Variants in GALNT12 observed in about 807,000 individuals in gnomAD.
GALNT12 encodes polypeptide N-acetylgalactosaminyltransferase 12, also known as UDP-GalNAc:polypeptide N-acetylgalactosaminyltransferase 12.
GALNT12 carries 45 observed loss-of-function variants against 55.5 expected under a neutral mutation model. The observed-to-expected ratio is 0.81, with a 90% confidence interval of 0.64 to 1.04. The LOEUF is 1.04. Ranked by LOEUF, GALNT12 falls within the 50% of genes least tolerant of loss-of-function variation. The pLI is 0.00. For missense variants in GALNT12, 709 were observed against 754.8 expected (o/e 0.94, Z 0.71); for synonymous variants, 304 against 312.2 (o/e 0.97, Z 0.28).
chr9:98,815,182 C>T (rs889251573), intron 1 of GALNT12, among the ~76,000 whole-genome samples: 3 of 152,208 alleles, frequency 2.0e-5, no homozygotes, highest in African/African-American at 4.8e-5. Context: ...AAAAGATATA[C>T]AGACGATCTC....
intron 8 of GALNT12, 154 bp downstream of exon 8, chr9:98,844,363 G>A: frequency 1.5e-6 from 1 of 649,840 alleles, no homozygotes; most frequent in Non-Finnish European, 2.8e-6. Flanking sequence ...AAATTAAAAT[G>A]TGTTTTCTTC....
chr9:98,814,044 G>T (rs985321128), intron 1 of GALNT12, among the ~76,000 whole-genome samples: 1 of 152,188 alleles, frequency 6.6e-6, no homozygotes, highest in African/African-American at 2.4e-5. Context: ...TCTGGGATGA[G>T]AACTGAGTTC....
At chr9:98,820,877 A>G (rs1477891914) in intron 1 of GALNT12, among the ~76,000 whole-genome samples, 1 of 152,234 alleles carries the variant, frequency 6.6e-6, no homozygotes, top group Non-Finnish European at 1.5e-5. Flanking sequence ...CTTTGTTGAA[A>G]TACTGTAGAC....
rs147145415 is a variant in GALNT12 at position 98,815,171 on chromosome 9, A to G, written c.371+7102A>G. On this transcript the variant is annotated intron_variant, in intron 1 of 9. Coordinates refer to ENST00000375011, the MANE Select transcript of GALNT12 (RefSeq NM_024642.5). The stretch of plus-strand genomic sequence containing the variant: ...CTGGAAGCAAACTTAAAGACATTTC[A>G]AAAAGATATACAGACGATCTCCGAT... Among the ~76,000 whole-genome samples, 1,086 of 152,366 alleles carry G rather than the reference A, an allele frequency of 7.1e-3. 11 individuals carry two copies. The highest frequency in any genetic ancestry group is 0.024 in the African/African-American group (988 of 41,584).
rs757485456 is a variant in GALNT12, at chr9:98,844,169, A to G, written c.1418A>G (p.Gln473Arg). ...GATGAAAACCAGATTGTGGGACACC[A>G]GGTCATTCTGTACCTCTGTCATGGG... ...PPDENQIVGH[Q>R]VILYLCHGMG... is the part of the protein sequence containing the mutation. The change falls in exon 8 of 10, where the codon CAG becomes CGG. Residue 473 changes from glutamine (Q) to arginine (R), a missense_variant. Transcript: ENST00000375011. The G allele has an allele frequency of 3.1e-6, 5 of 1,613,752 alleles. No homozygotes were observed. The Admixed American group carries it at 6.7e-5, about 22-fold the overall frequency.
chr9:98,849,269 T>C lies in GALNT12; in HGVS notation c.*177T>C. On this transcript the variant is annotated 3_prime_UTR_variant, in exon 10 of 10. Coordinates refer to ENST00000375011, the MANE Select transcript of GALNT12 (RefSeq NM_024642.5). ...GGATTTAGTAAAAATGTGAATAAGC[T>C]TTGTACTTATTTTGAGAACTTTTTA... The C allele has an allele frequency of 1.5e-6, 1 of 647,434 alleles. No homozygotes were observed. The highest frequency in any genetic ancestry group is 2.7e-6 in the Non-Finnish European group (1 of 369,508). 40.1% of individuals were successfully genotyped at this position (647,434 alleles called of 1,614,324 possible). A position where few individuals can be genotyped will look rare whatever the true frequency, so the allele number is the denominator to read the frequency against.
intron 4 of GALNT12, among the ~76,000 whole-genome samples, 169 bp from the exon 5 acceptor site, chr9:98,835,080 G>A (rs1836104905): frequency 6.6e-6 from 1 of 152,158 alleles, no homozygotes; most frequent in South Asian, 2.1e-4. Flanking sequence ...GGACCGTAGG[G>A]TACATCTATG....
rs568883839 is a variant in GALNT12 at position 98,832,622 on chromosome 9, A to C, written c.917+665A>C. ...CTTTACCTATTTCCAGGAATTTTTC[A>C]TCATCCCACACAGAAAATATCCCCA... On this transcript the variant is annotated intron_variant, in intron 4 of 9. Coordinates refer to ENST00000375011, the MANE Select transcript of GALNT12 (RefSeq NM_024642.5). Among the ~76,000 whole-genome samples the C allele has an allele frequency of 1.1e-4, 16 of 152,306 alleles. No individual in the cohort carries two copies. In the South Asian group the frequency reaches 3.1e-3, roughly 30 times the overall value.
At chr9:98,823,080 G>A (rs1835780598) in intron 1 of GALNT12, among the ~76,000 whole-genome samples, 176 bp from the exon 2 acceptor site, 1 of 152,158 alleles carries the variant, frequency 6.6e-6, no homozygotes, top group South Asian at 2.1e-4. Flanking sequence ...GCCATGGTTA[G>A]GACCTTTCTT....
chr9:98,840,268 C>T, intron 7 of GALNT12, 135 bp downstream of exon 7: 1 of 1,011,636 alleles, frequency 9.9e-7, no homozygotes, highest in Non-Finnish European at 1.5e-6. Flanking sequence ...GCCCACCCCC[C>T]ACCACCTTTT....
At chr9:98,848,373 A>C (rs765732884) in intron 9 of GALNT12, among the ~76,000 whole-genome samples, 7 of 152,200 alleles carry the variant, frequency 4.6e-5, no homozygotes, top group Non-Finnish European at 8.8e-5. Flanking sequence ...GAGATAATTG[A>C]GCAAGGGCTG....
intron 6 of GALNT12, among the ~76,000 whole-genome samples, chr9:98,839,300 A>G (rs1416562961): frequency 6.6e-6 from 1 of 152,166 alleles, no homozygotes; most frequent in Non-Finnish European, 1.5e-5. Flanking sequence ...ACTTATTATT[A>G]CCATTTTGTT....
chr9:98,825,865 C>T (rs1191434652), intron 2 of GALNT12, among the ~76,000 whole-genome samples: 1 of 151,464 alleles, frequency 6.6e-6, no homozygotes, highest in African/African-American at 2.4e-5. Flanking sequence ...GTCCCAGCTA[C>T]TTGGGAGGCT....
intron 1 of GALNT12, among the ~76,000 whole-genome samples, chr9:98,816,894 G>A (rs925688140): frequency 6.7e-6 from 1 of 148,598 alleles, no homozygotes; most frequent in Non-Finnish European, 1.5e-5. Context: ...CCCTGATCTC[G>A]GCTCACTGCA....
rs1835413080 is a variant in GALNT12 at position 98,807,922 on chromosome 9, T to G, written c.224T>G (p.Leu75Arg). 1.6e-6 allele frequency: 2 copies of G among 1,241,090 alleles called. No individual in the cohort carries two copies. The highest frequency in any genetic ancestry group is 2.0e-6 in the Non-Finnish European group (2 of 989,912). The allele number at this position is 1,241,090 out of a possible 1,614,324, so 76.9% of individuals were successfully genotyped here. A position where few individuals can be genotyped will look rare whatever the true frequency, so the allele number is the denominator to read the frequency against. The change falls in exon 1 of 10, where the codon CTG (leucine) becomes CGG (arginine). Residue 75 changes from leucine to arginine, a missense_variant. Leu to Arg is a moderately radical substitution (Grantham distance 102). Transcript: ENST00000375011. ...MPRPPVPANALGARGEAVRLQ... is the reference protein window; with the variant it reads ...MPRPPVPANARGARGEAVRLQ... ...CGGCCGCCGGTGCCGGCGAACGCGC[T>G]GGGCGCGCGGGGCGAGGCGGTGCGG...
At chr9:98,820,814 C>G (rs187915223) in intron 1 of GALNT12, among the ~76,000 whole-genome samples, 2 of 152,178 alleles carry the variant, frequency 1.3e-5, no homozygotes, top group Non-Finnish European at 2.9e-5. Context: ...GATTGTATCT[C>G]TTCTTATTGG....
In GALNT12 at chr9:98,831,784, G is replaced by A. The variant is rs1588449816; in HGVS notation, c.744G>A (p.Glu248=). 6.2e-7 allele frequency: 1 copy of A among 1,614,120 alleles called. No homozygotes were observed. The highest frequency in any genetic ancestry group is 1.3e-5 in the African/African-American group (1 of 74,950). ...LEPLLQRIHE[E]ESAVVCPVID... is the part of the protein sequence containing the mutation. ...TGGGTGCTTTCAGGATCCATGAAGAGGAGTCGGCAGTGGTGTGCCCGGTGA... is the reference window on the plus strand; with the variant it reads ...TGGGTGCTTTCAGGATCCATGAAGAAGAGTCGGCAGTGGTGTGCCCGGTGA... Residue 248 remains glutamate (E), a synonymous_variant, in exon 4 of 10, where the codon GAG becomes GAA. Coordinates refer to ENST00000375011, the MANE Select transcript of GALNT12 (RefSeq NM_024642.5).
In GALNT12 at chr9:98,807,692, C is replaced by CGGGCGCATGTGG; in HGVS notation, c.2_13dup. On this transcript the variant is annotated 5_prime_UTR_variant, in exon 1 of 10. In the 5' UTR this introduces an upstream ATG that the reference lacks. Transcript: ENST00000375011. ...CGCGCAGATCGCTGGCTGCAGTTGG[C>CGGGCGCATGTGG]GGGCGCATGTGGGGGCGCACGGCGC... The CGGGCGCATGTGG allele has an allele frequency of 8.8e-7, 1 of 1,135,080 alleles. No individual in the cohort carries two copies. The highest frequency in any genetic ancestry group is 5.0e-5 in the East Asian group (1 of 19,962). 70.3% of individuals were successfully genotyped at this position (1,135,080 alleles called of 1,614,324 possible).
intron 2 of GALNT12, among the ~76,000 whole-genome samples, chr9:98,824,957 C>T (rs188285467): frequency 1.9e-3 from 284 of 152,280 alleles, no homozygotes; most frequent in Non-Finnish European, 2.9e-3. Context: ...TTGAATCCCC[C>T]TCCCCCAACA....
Sources: gnomAD v4.1 joint callset for allele counts (sites outside exome capture counted in the v4.1 genomes callset) on GRCh38, gnomAD v4.1.1 for gene constraint, MANE v1.5 for transcripts, NCBI Gene and HGNC (gene_info 2026-07-23, HGNC 2026-07-21) for gene names.